ADAMTS3: variants seen among roughly 807,000 people sequenced by gnomAD.
The protein encoded by ADAMTS3 is A disintegrin and metalloproteinase with thrombospondin motifs 3.
Under a neutral mutation model 129.0 loss-of-function variants are expected in ADAMTS3, and 73 were observed. That is an observed-to-expected ratio of 0.57 (90% CI 0.47 to 0.69). ADAMTS3 has a LOEUF of 0.69. ADAMTS3 is among the 30% of genes least tolerant of loss of function. The pLI is 0.00. For missense variants in ADAMTS3, 1,457 were observed against 1,514.5 expected (o/e 0.96, Z 0.63); for synonymous variants, 477 against 510.8 (o/e 0.93, Z 0.89).
At position 72,309,422 on chromosome 4, in the gene ADAMTS3, TGTCCC is replaced by T; in HGVS notation, c.2149_2153del (p.Gly717IlefsTer12). 6.2e-7 allele frequency: 1 copy of T among 1,612,074 alleles called. No homozygotes were observed. The highest frequency in any genetic ancestry group is 8.5e-7 in the Non-Finnish European group (1 of 1,178,564). On this transcript the variant is annotated frameshift_variant, in exon 15 of 22. Transcript: ENST00000286657. LOFTEE classifies it high-confidence loss of function. Reference sequence around the variant, plus strand: ...CAAGCTTCCTGGGAGTTCTGGTAAATGTCCCCTTCACGGTTCGGCAGTGGGAATTA... The same window carrying T: ...CAAGCTTCCTGGGAGTTCTGGTAAATCTTCACGGTTCGGCAGTGGGAATTA...
intron 3 of ADAMTS3, among the ~76,000 whole-genome samples, chr4:72,447,196 A>C (rs977716661): frequency 2.0e-5 from 3 of 151,706 alleles, no homozygotes; most frequent in African/African-American, 7.3e-5. Flanking sequence ...CATTTACTAA[A>C]TAAATACCAA....
At chr4:72,451,995 T>C (rs1427875467) in intron 3 of ADAMTS3, among the ~76,000 whole-genome samples, 1 of 151,670 alleles carries the variant, frequency 6.6e-6, no homozygotes, top group Non-Finnish European at 1.5e-5. Context: ...GAGACTTAGG[T>C]GGGAGGATGC....
intron 3 of ADAMTS3, among the ~76,000 whole-genome samples, chr4:72,456,358 ATAG>A (rs1718616979): frequency 3.0e-5 from 4 of 133,926 alleles, no homozygotes; most frequent in Non-Finnish European, 6.2e-5. Context: ...TATATAGTAT[ATAG>A]TATACAATAT....
intron 3 of ADAMTS3, among the ~76,000 whole-genome samples, chr4:72,536,822 A>G (rs903380397): frequency 6.6e-6 from 1 of 152,190 alleles, no homozygotes; most frequent in Non-Finnish European, 1.5e-5. Context: ...GAACTCTCCC[A>G]AAGTATCATA....
intron 4 of ADAMTS3, among the ~76,000 whole-genome samples, chr4:72,402,384 C>A (rs1415125966): frequency 1.3e-5 from 2 of 152,116 alleles, no homozygotes; most frequent in Non-Finnish European, 2.9e-5. Flanking sequence ...TACTGAGCAT[C>A]TGATAAATAA....
intron 7 of ADAMTS3, among the ~76,000 whole-genome samples, chr4:72,320,497 T>C (rs1719524318): frequency 6.6e-6 from 1 of 152,144 alleles, no homozygotes; most frequent in Non-Finnish European, 1.5e-5. Flanking sequence ...AATCACTATT[T>C]TAAAAGCAAG....
At position 72,568,874 on chromosome 4, in the gene ADAMTS3, CG is replaced by C; in HGVS notation, c.-113del. On this transcript the variant is annotated 5_prime_UTR_variant, in exon 1 of 22. Coordinates refer to ENST00000286657, the MANE Select transcript of ADAMTS3 (RefSeq NM_014243.3). ...GAAAAAAAGGAAAAGGGAAAAAATG[CG>C]AAATAGAAAAAAATGATCTTCTGTG... The C allele has an allele frequency of 1.4e-6, 1 of 730,180 alleles. No homozygotes were observed. Among genetic ancestry groups the C allele is most frequent in the Non-Finnish European group, 2.2e-6 (1 of 458,260 alleles). 45.2% of individuals were successfully genotyped at this position (730,180 alleles called of 1,614,324 possible). A position where few individuals can be genotyped will look rare whatever the true frequency, so the allele number is the denominator to read the frequency against.
intron 3 of ADAMTS3, among the ~76,000 whole-genome samples, chr4:72,484,193 T>C (rs149116823): frequency 1.0e-3 from 159 of 152,250 alleles, no homozygotes; most frequent in Middle Eastern, 3.4e-3. Flanking sequence ...AGCAAAAAGA[T>C]AATAACAAAG....
chr4:72,307,168 A>G (rs1719110046), intron 15 of ADAMTS3, among the ~76,000 whole-genome samples: 1 of 152,046 alleles, frequency 6.6e-6, no homozygotes, highest in Non-Finnish European at 1.5e-5. Context: ...GTATAATAAT[A>G]TACACCTATG....
chr4:72,541,330 G>A (rs1448777671), intron 3 of ADAMTS3, among the ~76,000 whole-genome samples: 1 of 152,202 alleles, frequency 6.6e-6, no homozygotes, highest in Non-Finnish European at 1.5e-5. Context: ...CCCAATGCCT[G>A]TACCCACATT....
chr4:72,374,052 T>TG (rs1192701576), intron 4 of ADAMTS3, among the ~76,000 whole-genome samples: 2 of 152,058 alleles, frequency 1.3e-5, no homozygotes, highest in East Asian at 3.9e-4. Context: ...ATAAGACTAA[T>TG]AATTCTCTCT....
rs538865897 is a variant in ADAMTS3 at position 72,308,544 on chromosome 4, G to A, written c.2179+853C>T. ...CTTTGGAAGACATCAAAATCTTCTT[G>A]AGCAAACACCACATCAAATTTATCT... On this transcript the variant is annotated intron_variant, in intron 15 of 21. Coordinates refer to ENST00000286657, the MANE Select transcript of ADAMTS3 (RefSeq NM_014243.3). 1.1e-3 allele frequency among the ~76,000 whole-genome samples: 165 copies of A among 151,904 alleles called. 1 individual carries two copies. The highest frequency in any genetic ancestry group is 3.9e-3 in the African/African-American group (160 of 41,498).
At chr4:72,391,613 T>C (rs913562773) in intron 4 of ADAMTS3, among the ~76,000 whole-genome samples, 1 of 152,200 alleles carries the variant, frequency 6.6e-6, no homozygotes, top group Non-Finnish European at 1.5e-5. Context: ...AAACTTTACT[T>C]GCGCCATTTG....
At chr4:72,567,123 T>C (rs1013284613) in intron 2 of ADAMTS3, among the ~76,000 whole-genome samples, 1 of 152,184 alleles carries the variant, frequency 6.6e-6, no homozygotes, top group African/African-American at 2.4e-5. Flanking sequence ...CAGTGGCTTG[T>C]ACAAAGACAG....
chr4:72,508,341 A>T (rs1425499222), intron 3 of ADAMTS3, among the ~76,000 whole-genome samples: 2 of 152,106 alleles, frequency 1.3e-5, no homozygotes, highest in African/African-American at 4.8e-5. Context: ...AGTGGTTAAA[A>T]TCTCCCACCA....
intron 18 of ADAMTS3, among the ~76,000 whole-genome samples, chr4:72,296,161 T>A (rs1718802031): frequency 6.6e-6 from 1 of 151,950 alleles, no homozygotes; most frequent in African/African-American, 2.4e-5. Context: ...AGGGAAGAGA[T>A]CTGTAACTTG....
chr4:72,314,237 G>C (rs766959230), intron 11 of ADAMTS3, among the ~76,000 whole-genome samples: 1 of 152,062 alleles, frequency 6.6e-6, no homozygotes. Context: ...ACTATGTCTT[G>C]GTTTAGATAA....
rs529423307 is a variant in ADAMTS3 at position 72,557,071 on chromosome 4, G to A, written c.98-8187C>T. 5.3e-4 allele frequency among the ~76,000 whole-genome samples: 80 copies of A among 151,896 alleles called. 1 individual carries two copies. The highest frequency in any genetic ancestry group is 3.4e-3 in the Middle Eastern group (1 of 294). ...TCCCAAGAATTGGCTGGTTAACTAC[G>A]ATGAAGTGGCAGTTCACACAGGCAA... On this transcript the variant is annotated intron_variant, in intron 2 of 21. Transcript: ENST00000286657.
At chr4:72,322,181 T>G (rs1474908175) in intron 6 of ADAMTS3, among the ~76,000 whole-genome samples, 2 of 152,202 alleles carry the variant, frequency 1.3e-5, no homozygotes, top group Non-Finnish European at 2.9e-5. Flanking sequence ...TATTCCTTGT[T>G]GGCAATATAA....
Sources: gnomAD v4.1 joint callset for allele counts (sites outside exome capture counted in the v4.1 genomes callset) on GRCh38, gnomAD v4.1.1 for gene constraint, MANE v1.5 for transcripts, NCBI Gene and HGNC (gene_info 2026-07-23, HGNC 2026-07-21) for gene names.